The following CDH3 variants were observed in gnomAD, a reference collection of about 807,000 sequenced individuals.
CDH3 encodes the protein cadherin 3, also known as cadherin-3.
In CDH3, 54 loss-of-function variants were observed where a neutral mutation model predicts 82.0. The ratio of observed to expected loss-of-function variants is 0.66; its 90% CI spans 0.53 to 0.83. The LOEUF is 0.83. Among genes scored for constraint, CDH3 ranks in the 40% least tolerant of loss-of-function variants. CDH3 has a pLI of 0.00. For synonymous variants in CDH3, 446 were observed against 437.9 expected, an observed-to-expected ratio of 1.02 and a Z score of -0.23; for missense variants, 1,054 against 1,084.6, an observed-to-expected ratio of 0.97 and a Z score of 0.40.
chr16:68,695,126 G>A (rs182393972), intron 13 of CDH3, 129 bp from the exon 14 acceptor site: 632 of 991,046 alleles, frequency 6.4e-4, no homozygotes, highest in Middle Eastern at 2.3e-3. Flanking sequence ...TGCAAGTAAA[G>A]CCATTGTAGC....
chr16:68,717,511 G>A (rs374763483), intron 1 of CDH3, among the ~76,000 whole-genome samples: 5 of 152,116 alleles, frequency 3.3e-5, no homozygotes, highest in Admixed American at 1.3e-4. Flanking sequence ...GGTGGCTCAC[G>A]CTTGTAATTC....
At position 68,684,772 on chromosome 16, in the gene CDH3, C is replaced by T; in HGVS notation, c.1372C>T (p.Pro458Ser). Reference sequence around the variant, plus strand: ...CCAGGAGGGCATCCCCACTGGGGAGCCTGTGTGTGTCTACACTGCAGAAGA... The same window carrying T: ...CCAGGAGGGCATCCCCACTGGGGAGTCTGTGTGTGTCTACACTGCAGAAGA... ...EVQEGIPTGE[P>S]VCVYTAEDPD... Residue 458 changes from proline to serine, a missense_variant, in exon 10 of 16, where the codon CCT becomes TCT. Physicochemically the swap from Pro to Ser is moderately conservative, Grantham distance 74 (BLOSUM62 -1). Coordinates refer to ENST00000264012, the MANE Select transcript of CDH3 (RefSeq NM_001793.6). 4.3e-6 allele frequency: 7 copies of T among 1,614,140 alleles called. No homozygotes were observed. Among genetic ancestry groups the T allele is most frequent in the Middle Eastern group, 3.3e-4 (2 of 6,062 alleles).
downstream of CDH3, among the ~76,000 whole-genome samples, chr16:68,727,470 T>C (rs553167743): frequency 2.4e-4 from 36 of 152,278 alleles, no homozygotes; most frequent in South Asian, 7.2e-3. Flanking sequence ...CCAATCCCTT[T>C]ACTTCTCTGT....
intron 2 of CDH3, among the ~76,000 whole-genome samples, chr16:68,662,661 C>T (rs917325441): frequency 3.3e-5 from 5 of 150,504 alleles, no homozygotes; most frequent in African/African-American, 1.2e-4. Context: ...TCTCCTGCCT[C>T]AGCCTCCCGA....
At chr16:68,697,720 C>T (rs114006338) in intron 15 of CDH3, among the ~76,000 whole-genome samples, 2 of 152,120 alleles carry the variant, frequency 1.3e-5, no homozygotes, top group South Asian at 2.1e-4. Context: ...GCTATTGTTG[C>T]GAGGTGCTAT....
chr16:68,660,981 AAG>A (rs1226250571), intron 2 of CDH3, among the ~76,000 whole-genome samples: 12 of 149,704 alleles, frequency 8.0e-5, no homozygotes, highest in South Asian at 2.1e-4. Flanking sequence ...AAAAAAAAAA[AAG>A]AAGAAAATTA....
chr16:68,701,086 C>CTT (rs1961887115), downstream of CDH3, among the ~76,000 whole-genome samples: 1 of 152,128 alleles, frequency 6.6e-6, no homozygotes, highest in Non-Finnish European at 1.5e-5. Context: ...ATCAGAAACT[C>CTT]TATCTTCAGC....
chr16:68,692,047 T>A, intron 13 of CDH3, 121 bp downstream of exon 13: 1 of 703,684 alleles, frequency 1.4e-6, no homozygotes, highest in Non-Finnish European at 2.3e-6. Flanking sequence ...TCCTTAAACA[T>A]TTTTTTTAAG....
At chr16:68,651,330 C>T (rs901949453) in intron 2 of CDH3, 26 of 552,428 alleles carry the variant, frequency 4.7e-5, no homozygotes, top group Non-Finnish European at 7.7e-5. Context: ...TTGTACCCAT[C>T]TGGAGGCTGA....
intron 2 of CDH3, among the ~76,000 whole-genome samples, chr16:68,674,979 G>A (rs1028436260): frequency 6.6e-6 from 1 of 151,940 alleles, no homozygotes; most frequent in Non-Finnish European, 1.5e-5. Flanking sequence ...TAGGCATGGT[G>A]GTGCGTGCCT....
chr16:68,693,458 A>G (rs1428654418), intron 13 of CDH3, among the ~76,000 whole-genome samples: 2 of 152,146 alleles, frequency 1.3e-5, no homozygotes, highest in Non-Finnish European at 2.9e-5. Flanking sequence ...AATTAGGGTA[A>G]GACCCATGGA....
At chr16:68,709,573 C>T (rs1239596998) in intron 1 of CDH3, among the ~76,000 whole-genome samples, 1 of 152,188 alleles carries the variant, frequency 6.6e-6, no homozygotes, top group African/African-American at 2.4e-5. Flanking sequence ...ATTCTACTAC[C>T]TAAGCCTCCC....
chr16:68,648,226 ACTT>A (rs1960134465), intron 2 of CDH3, among the ~76,000 whole-genome samples: 1 of 152,178 alleles, frequency 6.6e-6, no homozygotes. Context: ...CAGCTCATGA[ACTT>A]CTTTGAGGGT....
chr16:68,703,326 A>G (rs926402510), downstream of CDH3, among the ~76,000 whole-genome samples: 6 of 152,234 alleles, frequency 3.9e-5, no homozygotes, highest in South Asian at 4.1e-4. Context: ...TTCCGGGCCC[A>G]CAAAGGGACT....
chr16:68,663,422 G>A (rs1192877671), intron 2 of CDH3, among the ~76,000 whole-genome samples: 1 of 151,056 alleles, frequency 6.6e-6, no homozygotes, highest in African/African-American at 2.4e-5. Flanking sequence ...TTTTAGTAGA[G>A]ACGGTGTTTC....
At chr16:68,683,504 T>C (rs1027409610) in intron 9 of CDH3, among the ~76,000 whole-genome samples, 3 of 150,904 alleles carry the variant, frequency 2.0e-5, no homozygotes, top group African/African-American at 7.3e-5. Context: ...ACAAAAAAAT[T>C]AGCTGGGCGT....
chr16:68,732,594 G>A, the CDH3 span, among the ~76,000 whole-genome samples: 1 of 152,332 alleles, frequency 6.6e-6, no homozygotes, highest in South Asian at 2.1e-4. Context: ...CTTTTCCCCA[G>A]TGATGCCTGA....
intron 1 of CDH3, among the ~76,000 whole-genome samples, chr16:68,706,544 CTTTTTTTTTTTTTT>C (rs34364461): frequency 8.6e-5 from 7 of 81,628 alleles, no homozygotes; most frequent in Non-Finnish European, 1.2e-4. Context: ...GTCACATTTC[CTTTTTTTTTTTTTT>C]TTTTTTTTTT....
chr16:68,649,301 G>A (rs1960172539), intron 2 of CDH3, among the ~76,000 whole-genome samples: 1 of 152,212 alleles, frequency 6.6e-6, no homozygotes, highest in African/African-American at 2.4e-5. Context: ...AAGCTTCCAA[G>A]TTCAATAATG....
Sources: gnomAD v4.1 joint callset for allele counts (sites outside exome capture counted in the v4.1 genomes callset) on GRCh38, gnomAD v4.1.1 for gene constraint, MANE v1.5 for transcripts, NCBI Gene and HGNC (gene_info 2026-07-23, HGNC 2026-07-21) for gene names.